The following CD2BP2 variants were observed in gnomAD, a reference collection of about 807,000 sequenced individuals.
The protein encoded by CD2BP2 is CD2 cytoplasmic tail binding protein 2, also known as CD2 antigen cytoplasmic tail-binding protein 2.
A neutral mutation model predicts 35.9 loss-of-function variants in CD2BP2; 27 were observed. That is an observed-to-expected ratio of 0.75 (90% confidence interval 0.55 to 1.04). CD2BP2 has a LOEUF of 1.04. Among genes scored for constraint, CD2BP2 ranks in the 50% least tolerant of loss-of-function variants. CD2BP2 has a pLI of 0.00. For synonymous variants in CD2BP2, 213 were observed against 173.5 expected, an observed-to-expected ratio of 1.23 and a Z score of -1.79; for missense variants, 497 against 444.3, an observed-to-expected ratio of 1.12 and a Z score of -1.07.
rs2151096801 is a variant in CD2BP2, at chr16:30,352,240, C to T, written c.*745G>A. ...GGGAAAGGAGCCCACTGGGTCTGGG[C>T]CAGCCCTTTGATTCCTGTGATCTCC... is the stretch of plus-strand genomic sequence containing the variant. On this transcript the variant is annotated 3_prime_UTR_variant, in exon 7 of 7. Transcript: ENST00000305596. 1 of 152,500 alleles carries T rather than the reference C, an allele frequency of 6.6e-6. No individual in the cohort carries two copies. Among genetic ancestry groups the T allele is most frequent in the Admixed American group, 6.5e-5 (1 of 15,304 alleles). 9.4% of individuals were successfully genotyped at this position (152,500 alleles called of 1,614,324 possible).
chr16:30,355,016 C>A (rs1048263891), intron 1 of CD2BP2, 196 bp downstream of exon 1: 1 of 310,306 alleles, frequency 3.2e-6, no homozygotes. Flanking sequence ...ACCGGCTCCA[C>A]GGGCTGACCC....
Position 30,353,086 on chromosome 16 carries a change from T to C in CD2BP2, c.925A>G (p.Ser309Gly). The C allele has an allele frequency of 1.9e-6, 3 of 1,613,794 alleles. No homozygotes were observed. Among genetic ancestry groups the C allele is most frequent in the Non-Finnish European group, 2.5e-6 (3 of 1,179,778 alleles). ...ACACCGTCCGGGAAGTAGCCTTCAC[T>C]CACCCAGGTCTGCAAGGAGAGGGCA... ...FTSAQMQTWV[S>G]EGYFPDGVYC... Residue 309 changes from serine to glycine, a missense_variant, in exon 7 of 7, where the codon AGT becomes GGT. Coordinates refer to ENST00000305596, the MANE Select transcript of CD2BP2 (RefSeq NM_006110.3).
In CD2BP2 at chr16:30,354,375, A is replaced by G. The variant is rs540380927; in HGVS notation, c.79-53T>C. 166 of 1,580,284 alleles carry G rather than the reference A, an allele frequency of 1.1e-4. No homozygotes were observed. The African/African-American group carries it at 2.1e-3, about 20-fold the overall frequency. On this transcript the variant is annotated intron_variant, in intron 2 of 6. Transcript: ENST00000305596. Reference sequence around the variant, plus strand: ...AATGCAGGTTACTGGCTACCTCCCCAAATACTTCCGGATCTGGACCCAAAT... The same window carrying G: ...AATGCAGGTTACTGGCTACCTCCCCGAATACTTCCGGATCTGGACCCAAAT...
In CD2BP2 at chr16:30,353,461, G is replaced by T. The variant is rs759902948; in HGVS notation, c.715C>A (p.Pro239Thr). The T allele has an allele frequency of 6.2e-7, 1 of 1,613,974 alleles. No homozygotes were observed. Among genetic ancestry groups the T allele is most frequent in the African/African-American group, 1.3e-5 (1 of 74,874 alleles). Residue 239 changes from proline (P) to threonine (T), a missense_variant, in exon 5 of 7, where the codon CCC (proline) becomes ACC (threonine). Pro to Thr is a conservative substitution (Grantham distance 38). Transcript: ENST00000305596. ...LKGLGCQTLG[P>T]HNPTPPPSLD... ...GAGGGTGGGGGTGTGGGATTGTGGG[G>T]TCCTAGGGTCTGACACCCCAAACCC...
intron 1 of CD2BP2, chr16:30,354,910 G>A (rs372879718): frequency 1.8e-6 from 1 of 552,140 alleles, no homozygotes; most frequent in East Asian, 3.2e-5. Flanking sequence ...GGCGGGGACG[G>A]AGGAGCGGAC....
In CD2BP2 at chr16:30,353,589, G is replaced by A; in HGVS notation, c.587C>T (p.Pro196Leu). ...CCCGGAGAGCCGGTCCAGGCGCTGA[G>A]GGGAACTGGGTTGCCCAGGCCCCTT... ...GRKGPGQPSS[P>L]QRLDRLSGLA... is the part of the protein sequence containing the mutation. Residue 196 changes from proline to leucine, a missense_variant, in exon 5 of 7, where the codon CCT becomes CTT. Physicochemically the swap from Pro to Leu is moderately conservative, Grantham distance 98 (BLOSUM62 -3). Coordinates refer to ENST00000305596, the MANE Select transcript of CD2BP2 (RefSeq NM_006110.3). 6.2e-7 allele frequency: 1 copy of A among 1,614,076 alleles called. No individual in the cohort carries two copies. Among genetic ancestry groups the A allele is most frequent in the Non-Finnish European group, 8.5e-7 (1 of 1,179,960 alleles).
Position 30,350,834 on chromosome 16 carries a change from C to G in CD2BP2, c.*2151G>C, listed in dbSNP as rs2049476186. 6.6e-6 allele frequency: 1 copy of G among 152,320 alleles called. No homozygotes were observed. The highest frequency in any genetic ancestry group is 1.5e-5 in the Non-Finnish European group (1 of 68,044). The allele number at this position is 152,320 out of a possible 1,614,324, so 9.4% of individuals were successfully genotyped here. A position where few individuals can be genotyped will look rare whatever the true frequency, so the allele number is the denominator to read the frequency against. On this transcript the variant is annotated 3_prime_UTR_variant, in exon 7 of 7. Transcript: ENST00000305596. ...GAGGTCAGGAGTCCAAAATGGTTTT[C>G]ACCAGGCTGAAGTCTTGTCAGTGCG...
chr16:30,354,571 T>C (rs2049517917), intron 2 of CD2BP2, 33 bp downstream of exon 2: 1 of 1,602,902 alleles, frequency 6.2e-7, no homozygotes, highest in South Asian at 1.1e-5. Context: ...CTAGCTCCTC[T>C]TTCCCCCACA....
At chr16:30,354,834 G>C (rs150391839) in intron 1 of CD2BP2, 127 bp from the exon 2 acceptor site, 3 of 728,734 alleles carry the variant, frequency 4.1e-6, no homozygotes, top group African/African-American at 3.5e-5. Flanking sequence ...CAAAAGCAGG[G>C]GCCGAAAGGA....
At position 30,353,048 on chromosome 16, in the gene CD2BP2, C is replaced by G; in HGVS notation, c.963G>C (p.Lys321Asn). ...GYFPDGVYCR[K>N]LDPPGGQFYN... ...AGAACTGACCACCAGGGGGGTCCAG[C>G]TTCCGGCAATAAACACCGTCCGGGA... The change falls in exon 7 of 7, where the codon AAG becomes AAC. Residue 321 changes from lysine to asparagine, a missense_variant. Physicochemically the swap from Lys to Asn is moderately conservative, Grantham distance 94. Coordinates refer to ENST00000305596, the MANE Select transcript of CD2BP2 (RefSeq NM_006110.3). 6.2e-7 allele frequency: 1 copy of G among 1,614,122 alleles called. No homozygotes were observed. The highest frequency in any genetic ancestry group is 1.7e-5 in the Admixed American group (1 of 60,002).
Position 30,353,546 on chromosome 16 carries a change from C to G in CD2BP2, c.630G>C (p.Val210=). The G allele has an allele frequency of 6.2e-7, 1 of 1,614,238 alleles. No individual in the cohort carries two copies. The highest frequency in any genetic ancestry group is 8.5e-7 in the Non-Finnish European group (1 of 1,180,022). The part of the protein sequence containing the change: ...DRLSGLADQM[V]ARGNLGVYQE... ...GGTACACACCAAGGTTGCCCCGGGC[C>G]ACCATCTGGTCGGCCAACCCGGAGA... Residue 210 remains valine, a synonymous_variant, in exon 5 of 7, where the codon GTG becomes GTC. Coordinates refer to ENST00000305596, the MANE Select transcript of CD2BP2 (RefSeq NM_006110.3).
Position 30,353,220 on chromosome 16 carries a change from AT to A in CD2BP2, c.875del (p.Asp292ValfsTer17), listed in dbSNP as rs2049498698. On this transcript the variant is annotated frameshift_variant, in exon 6 of 7. Coordinates refer to ENST00000305596, the MANE Select transcript of CD2BP2 (RefSeq NM_006110.3). LOFTEE classifies it high-confidence loss of function. ...MWEYKWENTG[D>X]AELYGPFTSA... Reference sequence around the variant, plus strand: ...TGGTGAAGGGCCCATACAGCTCGGCATCCCCCGTGTTCTCCCACTTATATTC... The same window carrying A: ...TGGTGAAGGGCCCATACAGCTCGGCACCCCCGTGTTCTCCCACTTATATTC... 3.1e-6 allele frequency: 5 copies of A among 1,614,052 alleles called. No individual in the cohort carries two copies. The East Asian group carries it at 1.1e-4, about 36-fold the overall frequency.
rs938000621 is a variant in CD2BP2, at chr16:30,352,206, G to C, written c.*779C>G. The C allele has an allele frequency of 2.6e-4, 40 of 152,424 alleles. No homozygotes were observed. Among genetic ancestry groups the C allele is most frequent in the African/African-American group, 9.4e-4 (39 of 41,478 alleles). The allele number at this position is 152,424 out of a possible 1,614,324, so 9.4% of individuals were successfully genotyped here. A position where few individuals can be genotyped will look rare whatever the true frequency, so the allele number is the denominator to read the frequency against. ...CCAGGCAGCAAAGGCTTTGTGCCAAGAAAGGTCTGGGAAAGGAGCCCACTG... is the reference window on the plus strand; with the variant it reads ...CCAGGCAGCAAAGGCTTTGTGCCAACAAAGGTCTGGGAAAGGAGCCCACTG... On this transcript the variant is annotated 3_prime_UTR_variant, in exon 7 of 7. Transcript: ENST00000305596.
In CD2BP2 at chr16:30,352,608, T is replaced by G; in HGVS notation, c.*377A>C. ...CTGGTGGCTACAAGGATAAAGAATC[T>G]GAGGTCCTGAAAGCCAAAGACCTAA... On this transcript the variant is annotated 3_prime_UTR_variant, in exon 7 of 7. Coordinates refer to ENST00000305596, the MANE Select transcript of CD2BP2 (RefSeq NM_006110.3). The G allele has an allele frequency of 4.7e-6, 1 of 214,516 alleles. No homozygotes were observed. The highest frequency in any genetic ancestry group is 8.0e-5 in the South Asian group (1 of 12,530). The allele number at this position is 214,516 out of a possible 1,614,324, so 13.3% of individuals were successfully genotyped here. A position where few individuals can be genotyped will look rare whatever the true frequency, so the allele number is the denominator to read the frequency against.
chr16:30,354,144 C>T (rs762907109), intron 3 of CD2BP2, 40 bp downstream of exon 3: 5 of 1,613,308 alleles, frequency 3.1e-6, no homozygotes, highest in South Asian at 2.2e-5. Context: ...GAGGCCCCTA[C>T]TTGTTTTTCC....
chr16:30,354,281 G>A lies in CD2BP2; in HGVS notation c.120C>T (p.Arg40=), dbSNP rs771757968. 1 of 1,613,994 alleles carries A rather than the reference G, an allele frequency of 6.2e-7. No homozygotes were observed. Among genetic ancestry groups the A allele is most frequent in the Admixed American group, 1.7e-5 (1 of 60,006 alleles). ...TATCCAAAGAGTGTTTGCCTTTAAA[G>A]CGGCTCCCAGGACCCCCTGACCCAG... The part of the protein sequence containing the change: ...PVAGSGGPGS[R]FKGKHSLDSD... Residue 40 remains arginine (R), a synonymous_variant, in exon 3 of 7, where the codon CGC becomes CGT. Coordinates refer to ENST00000305596, the MANE Select transcript of CD2BP2 (RefSeq NM_006110.3).
intron 2 of CD2BP2, 122 bp downstream of exon 2, chr16:30,354,482 A>C: frequency 7.3e-7 from 1 of 1,377,578 alleles, no homozygotes; most frequent in Non-Finnish European, 1.0e-6. Flanking sequence ...CCCATTCCTC[A>C]GAGAACCTGA....
Position 30,354,584 on chromosome 16 carries a change from A to G in CD2BP2, c.78+20T>C. ...TTCTAGCTCCTCTTTCCCCCACACA[A>G]AGCAGTCTGGCCCCCTCACCTTCTT... On this transcript the variant is annotated intron_variant, in intron 2 of 6. Coordinates refer to ENST00000305596, the MANE Select transcript of CD2BP2 (RefSeq NM_006110.3). 1 of 1,610,124 alleles carries G rather than the reference A, an allele frequency of 6.2e-7. No homozygotes were observed. The highest frequency in any genetic ancestry group is 8.5e-7 in the Non-Finnish European group (1 of 1,176,886).
chr16:30,353,516 T>C lies in CD2BP2; in HGVS notation c.660A>G (p.Glu220=), dbSNP rs780887800. 3.1e-6 allele frequency: 5 copies of C among 1,614,210 alleles called. No individual in the cohort carries two copies. The highest frequency in any genetic ancestry group is 4.2e-6 in the Non-Finnish European group (5 of 1,180,022). The part of the protein sequence containing the change: ...VARGNLGVYQ[E]TRERLAMRLK... ...GACGCATAGCCAACCGTTCCCTTGT[T>C]TCCTGGTACACACCAAGGTTGCCCC... Residue 220 remains glutamate (E), a synonymous_variant, in exon 5 of 7, where the codon GAA becomes GAG. Coordinates refer to ENST00000305596, the MANE Select transcript of CD2BP2 (RefSeq NM_006110.3).
Sources: allele counts gnomAD v4.1 joint callset, GRCh38; gene constraint gnomAD v4.1.1; transcripts MANE v1.5; gene names NCBI Gene and HGNC (gene_info 2026-07-23, HGNC 2026-07-21).